Variants in CCDC141 observed in about 807,000 individuals in gnomAD.
CCDC141 encodes the protein coiled-coil domain-containing protein 141.
Under a neutral mutation model 181.0 loss-of-function variants are expected in CCDC141, and 168 were observed. The ratio of observed to expected loss-of-function variants is 0.93; its 90% CI spans 0.82 to 1.05. The LOEUF is 1.05. Among genes scored for constraint, CCDC141 ranks in the 50% least tolerant of loss-of-function variants. The pLI is 0.00. For missense variants in CCDC141, 1,902 were observed against 1,788.5 expected, an observed-to-expected ratio of 1.06 and a Z score of -1.14; for synonymous variants, 666 against 642.3, an observed-to-expected ratio of 1.04 and a Z score of -0.56.
chr2:178,982,347 T>G (rs1229748802), intron 2 of CCDC141, among the ~76,000 whole-genome samples: 1 of 152,152 alleles, frequency 6.6e-6, no homozygotes, highest in Non-Finnish European at 1.5e-5. Flanking sequence ...AGAATTCCAC[T>G]TATAAGAGCA....
chr2:178,988,691 A>G (rs1426391605), intron 2 of CCDC141, among the ~76,000 whole-genome samples: 2 of 152,220 alleles, frequency 1.3e-5, no homozygotes, highest in Non-Finnish European at 2.9e-5. Context: ...TAAGGGGATC[A>G]TAATAGTCAA....
At position 178,884,603 on chromosome 2, in the gene CCDC141, T is replaced by G. The variant is rs573149397; in HGVS notation, c.1719+298A>C. Among the ~76,000 whole-genome samples, 12 of 152,258 alleles carry G rather than the reference T, an allele frequency of 7.9e-5. No individual in the cohort carries two copies. In the South Asian group the frequency reaches 2.5e-3, roughly 32 times the overall value. On this transcript the variant is annotated intron_variant, in intron 11 of 23. Transcript: ENST00000443758. Reference sequence around the variant, plus strand: ...TTTTTGTTTTCCTTGTGCTTGCCCTTTCTCCTTTAAATACTGAAGTTCCCC... The same window carrying G: ...TTTTTGTTTTCCTTGTGCTTGCCCTGTCTCCTTTAAATACTGAAGTTCCCC...
Position 179,047,364 on chromosome 2 carries a change from T to C in CCDC141, c.145A>G (p.Asn49Asp), listed in dbSNP as rs1194545167. ...VQLQLAESQP[N>D]LLEIGSSQDE... ...TGACTGCTGCCAATTTCTAGAAGAT[T>C]GGGCTGTGATTCAGCCAGTTGAAGT... The change falls in exon 2 of 24, where the codon AAT becomes GAT. Residue 49 changes from asparagine (N) to aspartate (D), a missense_variant. Transcript: ENST00000443758. 1 of 1,539,256 alleles carries C rather than the reference T, an allele frequency of 6.5e-7. No homozygotes were observed.
chr2:178,941,896 G>A (rs1385252199), intron 6 of CCDC141, among the ~76,000 whole-genome samples: 2 of 135,502 alleles, frequency 1.5e-5, no homozygotes, highest in Non-Finnish European at 3.1e-5. Flanking sequence ...GGATTTCGAG[G>A]CTGCGGTGAG....
intron 12 of CCDC141, among the ~76,000 whole-genome samples, chr2:178,872,614 G>A (rs551983954): frequency 6.6e-6 from 1 of 152,186 alleles, no homozygotes; most frequent in South Asian, 2.1e-4. Flanking sequence ...CATAATTTTT[G>A]AAGTGAAGAT....
intron 20 of CCDC141, among the ~76,000 whole-genome samples, chr2:178,851,988 C>A (rs553089516): frequency 6.6e-6 from 1 of 152,348 alleles, no homozygotes; most frequent in African/African-American, 2.4e-5. Context: ...CCCTACCAAA[C>A]AGACGGAGAC....
intron 4 of CCDC141, among the ~76,000 whole-genome samples, chr2:178,963,935 A>G (rs1309133988): frequency 6.6e-6 from 1 of 152,230 alleles, no homozygotes; most frequent in East Asian, 1.9e-4. Flanking sequence ...AAATAGCGTA[A>G]GAAAAGTCAG....
At position 178,943,172 on chromosome 2, in the gene CCDC141, T is replaced by C. The variant is rs1447071799; in HGVS notation, c.897+1363A>G. Among the ~76,000 whole-genome samples the C allele has an allele frequency of 3.3e-5, 5 of 152,278 alleles. No homozygotes were observed. The East Asian group carries it at 5.8e-4, about 18-fold the overall frequency. On this transcript the variant is annotated intron_variant, in intron 6 of 23. Coordinates refer to ENST00000443758, the MANE Select transcript of CCDC141 (RefSeq NM_173648.4). The stretch of plus-strand genomic sequence containing the variant: ...TGTGCTTGGCATTTGGGGCTTTCGA[T>C]AGAATTTTCACTGATAAAACTTGAG...
rs191373068 is a variant in CCDC141 at position 179,048,921 on chromosome 2, A to G, written c.102+919T>C. Among the ~76,000 whole-genome samples the G allele has an allele frequency of 8.9e-3, 1,360 of 152,340 alleles. 37 individuals carry two copies. Among genetic ancestry groups the G allele is most frequent in the Non-Finnish European group, 9.4e-3 (640 of 68,032 alleles). ...TTAAAGTAAACATGGCTTGCTGTCC[A>G]TGCTCTAACAAAAGGCCAGAAAAGT... On this transcript the variant is annotated intron_variant, in intron 1 of 23. Transcript: ENST00000443758.
intron 8 of CCDC141, among the ~76,000 whole-genome samples, chr2:178,901,749 C>G (rs1687704008): frequency 6.6e-6 from 1 of 151,572 alleles, no homozygotes; most frequent in Non-Finnish European, 1.5e-5. Flanking sequence ...GTTGGAAGTT[C>G]TGGCCAGGGC....
chr2:178,881,190 ATG>A (rs145223699), intron 11 of CCDC141, among the ~76,000 whole-genome samples: 14,502 of 152,072 alleles, frequency 0.095, 1,649 homozygotes, highest in East Asian at 0.66. Context: ...TATTCCACTT[ATG>A]TGAAATATCC....
chr2:179,013,587 C>G (rs533872952), intron 2 of CCDC141, among the ~76,000 whole-genome samples: 4 of 152,242 alleles, frequency 2.6e-5, no homozygotes, highest in African/African-American at 9.6e-5. Context: ...ATACCAGCAT[C>G]ATTCTTTACA....
chr2:178,899,020 C>A (rs575364984), intron 8 of CCDC141, among the ~76,000 whole-genome samples: 1 of 152,016 alleles, frequency 6.6e-6, no homozygotes, highest in East Asian at 1.9e-4. Flanking sequence ...TTTTTAAGCT[C>A]TTTATATAGA....
chr2:178,942,529 G>C (rs1450830660), intron 6 of CCDC141, among the ~76,000 whole-genome samples: 2 of 152,132 alleles, frequency 1.3e-5, no homozygotes. Context: ...GAGCGCAGAG[G>C]AGTTTTAGGG....
intron 2 of CCDC141, among the ~76,000 whole-genome samples, chr2:179,015,101 TATAATATATATATAATCATA>T (rs2042414113): frequency 5.5e-5 from 2 of 36,434 alleles, no homozygotes; most frequent in Admixed American, 2.6e-4. Flanking sequence ...TATATATATA[TATAATATATATATAATCATA>T]TATATATATC....
intron 2 of CCDC141, among the ~76,000 whole-genome samples, chr2:179,018,869 C>CA (rs558484547): frequency 6.6e-6 from 1 of 151,530 alleles, no homozygotes; most frequent in Non-Finnish European, 1.5e-5. Context: ...AGGTAAGTAG[C>CA]AAAAAAAGTA....
At chr2:178,986,040 T>C (rs1691715728) in intron 2 of CCDC141, among the ~76,000 whole-genome samples, 1 of 152,122 alleles carries the variant, frequency 6.6e-6, no homozygotes, top group Non-Finnish European at 1.5e-5. Context: ...ACCAATATCC[T>C]TGATGAACAT....
chr2:178,846,692 A>G (rs1684953137), intron 21 of CCDC141, among the ~76,000 whole-genome samples: 1 of 152,186 alleles, frequency 6.6e-6, no homozygotes, highest in South Asian at 2.1e-4. Flanking sequence ...AATTAGATCT[A>G]AATTCAAATT....
intron 2 of CCDC141, among the ~76,000 whole-genome samples, chr2:179,013,370 C>T (rs1377271648): frequency 6.6e-6 from 1 of 151,984 alleles, no homozygotes; most frequent in African/African-American, 2.4e-5. Context: ...TTTACAATGG[C>T]TGCAAAAAAA....
Sources: gnomAD v4.1 joint callset for allele counts (sites outside exome capture counted in the v4.1 genomes callset) on GRCh38, gnomAD v4.1.1 for gene constraint, MANE v1.5 for transcripts, NCBI Gene and HGNC (gene_info 2026-07-23, HGNC 2026-07-21) for gene names.